DRC12: variants seen among roughly 807,000 people sequenced by gnomAD.
DRC12 encodes the protein dynein regulatory complex subunit 12 homolog, also known as dynein regulatory complex protein 12.
the DRC12 span, chr11:119,193,309 A>C: frequency 2.9e-6 from 4 of 1,369,054 alleles, no homozygotes; most frequent in Middle Eastern, 1.9e-4. Flanking sequence ...AAAGGAAATG[A>C]AGTTGTGGGT....
chr11:119,194,534 A>T, the DRC12 span, among the ~76,000 whole-genome samples: 1,080 of 135,960 alleles, frequency 7.9e-3, 16 homozygotes, highest in Middle Eastern at 0.025. Context: ...AAAAAAAAAA[A>T]AAAAAAAAAA....
chr11:119,193,258 G>A, the DRC12 span: 12 of 1,610,210 alleles, frequency 7.5e-6, no homozygotes, highest in Non-Finnish European at 8.5e-6. Context: ...GGTGGGGGCA[G>A]TGGGCCACCA....
chr11:119,192,267 C>T, the DRC12 span, among the ~76,000 whole-genome samples: 1 of 152,192 alleles, frequency 6.6e-6, no homozygotes, highest in East Asian at 1.9e-4. Context: ...TGAGCCACCG[C>T]ACCCGGTTGA....
the DRC12 span, chr11:119,190,377 C>T: frequency 3.0e-5 from 49 of 1,613,718 alleles, no homozygotes; most frequent in Admixed American, 6.7e-5. This position sits in a 1 kb window ranked among gnomAD's most constrained non-coding sequence, Gnocchi z 4.2. Context: ...TTGTGCCTGG[C>T]GTGAAGTCTC....
At chr11:119,190,576 G>A in the DRC12 span, 1 of 1,546,106 alleles carries the variant, frequency 6.5e-7, no homozygotes, top group Non-Finnish European at 8.8e-7. This position sits in a 1 kb window ranked among gnomAD's most constrained non-coding sequence, Gnocchi z 4.2. Context: ...TCTGCCCTCA[G>A]GATAGAGCAG....
the DRC12 span, chr11:119,195,381 G>A: frequency 1.3e-6 from 2 of 1,521,120 alleles, no homozygotes; most frequent in Non-Finnish European, 1.8e-6. Flanking sequence ...CTTCATGGCA[G>A]AACATGGAGA....
At chr11:119,190,382 A>C in the DRC12 span, 1 of 1,613,634 alleles carries the variant, frequency 6.2e-7, no homozygotes, top group South Asian at 1.1e-5. The surrounding 1 kb of genome is among the most constrained non-coding windows in gnomAD (Gnocchi z 4.2). Flanking sequence ...CCTGGCGTGA[A>C]GTCTCAGTGC....
the DRC12 span, among the ~76,000 whole-genome samples, chr11:119,194,177 G>A: frequency 1.3e-5 from 2 of 152,074 alleles, no homozygotes; most frequent in African/African-American, 2.4e-5. Context: ...TTGAGGCCAG[G>A]AGTTTGAGAC....
At chr11:119,194,600 G>A in the DRC12 span, among the ~76,000 whole-genome samples, 15,933 of 149,368 alleles carry the variant, frequency 0.11, 1,083 homozygotes, top group Non-Finnish European at 0.15. Flanking sequence ...CCAGCTACTC[G>A]GGAGGCTGAG....
At chr11:119,194,901 T>C in the DRC12 span, 2 of 1,533,778 alleles carry the variant, frequency 1.3e-6, no homozygotes, top group Non-Finnish European at 1.8e-6. Context: ...TGCCCACCCA[T>C]GCCAGCTTCT....
chr11:119,190,949 C>A, the DRC12 span: 1 of 1,298,556 alleles, frequency 7.7e-7, no homozygotes, highest in East Asian at 2.4e-5. This position sits in a 1 kb window ranked among gnomAD's most constrained non-coding sequence, Gnocchi z 4.2. Flanking sequence ...TCCAGACTCC[C>A]CCAGCATCAC....
the DRC12 span, chr11:119,195,129 G>T: frequency 1.4e-6 from 1 of 725,928 alleles, no homozygotes; most frequent in Non-Finnish European, 2.3e-6. Flanking sequence ...CACAGTGGCA[G>T]AGTCTACTGA....
chr11:119,194,810 T>TAGGGTCA, the DRC12 span: 1 of 677,808 alleles, frequency 1.5e-6, no homozygotes, highest in Non-Finnish European at 2.5e-6. Context: ...AGGGGATGGT[T>TAGGGTCA]AGGGTCAACT....
the DRC12 span, chr11:119,190,333 AG>A: frequency 1.1e-5 from 18 of 1,613,948 alleles, no homozygotes; most frequent in South Asian, 4.4e-5. This position sits in a 1 kb window ranked among gnomAD's most constrained non-coding sequence, Gnocchi z 4.2. Context: ...TCAAAGATCC[AG>A]GGGGGGTGAG....
chr11:119,190,429 G>A, the DRC12 span: 42 of 1,613,862 alleles, frequency 2.6e-5, no homozygotes, highest in Admixed American at 1.0e-4. This position sits in a 1 kb window ranked among gnomAD's most constrained non-coding sequence, Gnocchi z 4.2. Context: ...CTCTCAGCTT[G>A]GCCAAGAGCC....
At chr11:119,193,319 T>A in the DRC12 span, 1 of 1,251,620 alleles carries the variant, frequency 8.0e-7, no homozygotes, top group Non-Finnish European at 1.2e-6. Flanking sequence ...AAGTTGTGGG[T>A]GGGGAAGACT....
At chr11:119,194,541 A>AAAAAAAAAAAAAAAAAAAAG in the DRC12 span, among the ~76,000 whole-genome samples, 24 of 66,036 alleles carry the variant, frequency 3.6e-4, 5 homozygotes, top group South Asian at 1.8e-3. Flanking sequence ...AAAAAAAAAA[A>AAAAAAAAAAAAAAAAAAAAG]AAAATAAATA....
At chr11:119,194,328 C>T in the DRC12 span, among the ~76,000 whole-genome samples, 3 of 151,916 alleles carry the variant, frequency 2.0e-5, no homozygotes, top group Non-Finnish European at 4.4e-5. Context: ...GCCTGGCCAA[C>T]ATGGTGAAAA....
the DRC12 span, chr11:119,190,627 T>C: frequency 6.4e-7 from 1 of 1,569,252 alleles, no homozygotes; most frequent in Non-Finnish European, 8.7e-7. This position sits in a 1 kb window ranked among gnomAD's most constrained non-coding sequence, Gnocchi z 4.2. Context: ...CCCTGGGTTG[T>C]CAGTCATCAT....
Sources: gnomAD v4.1 joint callset for allele counts (sites outside exome capture counted in the v4.1 genomes callset) on GRCh38, gnomAD v4.1.1 for gene constraint, Gnocchi (gnomAD v3.1) non-coding constraint, MANE v1.5 for transcripts, NCBI Gene and HGNC (gene_info 2026-07-23, HGNC 2026-07-21) for gene names.